MAPK9: variants seen among roughly 807,000 people sequenced by gnomAD.
MAPK9 encodes Jun kinase.
Under a neutral mutation model 57.1 loss-of-function variants are expected in MAPK9, and 30 were observed. The ratio of observed to expected loss-of-function variants is 0.53; its 90% CI spans 0.39 to 0.71. The LOEUF (loss-of-function observed/expected upper bound fraction) is 0.71, where lower values mean the gene tolerates loss of function less well. Among genes scored for constraint, MAPK9 ranks in the 30% least tolerant of loss-of-function variants. The pLI, the probability that MAPK9 is intolerant of heterozygous loss-of-function variation, is 0.00. For missense variants in MAPK9, 362 were observed against 521.0 expected (o/e 0.69, Z 2.97); for synonymous variants, 155 against 177.0 (o/e 0.88, Z 0.99).
chr5:180,250,053 C>T (rs1245827473), intron 5 of MAPK9, among the ~76,000 whole-genome samples: 1 of 152,134 alleles, frequency 6.6e-6, no homozygotes, highest in Non-Finnish European at 1.5e-5. Context: ...AAAGACACGC[C>T]AGCACTGGTG....
intron 2 of MAPK9, 82 bp downstream of exon 2, chr5:180,280,358 T>C (rs2127621734): frequency 2.0e-6 from 3 of 1,533,116 alleles, no homozygotes; most frequent in East Asian, 2.3e-5. Flanking sequence ...TAATCATCAA[T>C]GTTTCTAAAT....
chr5:180,241,604 C>G (rs1445018730), intron 8 of MAPK9, among the ~76,000 whole-genome samples: 2 of 152,232 alleles, frequency 1.3e-5, no homozygotes, highest in East Asian at 1.9e-4. Flanking sequence ...CAGCCATAAC[C>G]CAAACATTTT....
chr5:180,283,272 G>A (rs1031261445), intron 1 of MAPK9, among the ~76,000 whole-genome samples: 1 of 152,232 alleles, frequency 6.6e-6, no homozygotes, highest in African/African-American at 2.4e-5. Context: ...TAGAAGTGAT[G>A]TATGCAACTT....
intron 1 of MAPK9, among the ~76,000 whole-genome samples, chr5:180,280,889 A>G (rs144774767): frequency 3.9e-4 from 59 of 152,284 alleles, no homozygotes; most frequent in African/African-American, 1.4e-3. Context: ...ATGCATTACT[A>G]CTGGCTATGA....
Position 180,280,471 on chromosome 5 carries a change from G to C in MAPK9, c.91C>G (p.Pro31Ala). 6.2e-7 allele frequency: 1 copy of C among 1,614,110 alleles called. No individual in the cohort carries two copies. The highest frequency in any genetic ancestry group is 8.5e-7 in the Non-Finnish European group (1 of 1,180,028). Residue 31 changes from proline (P) to alanine (A), a missense_variant, in exon 2 of 12, where the codon CCA becomes GCA. This residue lies in a region of MAPK9 where 36 missense variants were observed against 38.0 expected (regional missense o/e 0.95). Coordinates refer to ENST00000452135, the MANE Select transcript of MAPK9 (RefSeq NM_002752.5). ...ATCCCTTGGGCCCCAGAGCCAATTG[G>C]TTTCAGCTGCTGGTAACGTTTTAGG... is the stretch of plus-strand genomic sequence containing the variant. ...TVLKRYQQLK[P>A]IGSGAQGIVC...
intron 2 of MAPK9, among the ~76,000 whole-genome samples, chr5:180,279,223 T>G (rs904438587): frequency 2.0e-5 from 3 of 152,192 alleles, no homozygotes; most frequent in Non-Finnish European, 2.9e-5. Context: ...CCCAAAGTGC[T>G]GGGATTACAG....
In MAPK9 at chr5:180,236,294, T is replaced by C; in HGVS notation, c.*90A>G. 7.2e-7 allele frequency: 1 copy of C among 1,387,810 alleles called. No individual in the cohort carries two copies. The highest frequency in any genetic ancestry group is 9.7e-7 in the Non-Finnish European group (1 of 1,030,172). 86.0% of individuals were successfully genotyped at this position (1,387,810 alleles called of 1,614,324 possible). A position where few individuals can be genotyped will look rare whatever the true frequency, so the allele number is the denominator to read the frequency against. ...TTTCTTACATGCAGAACATGGAGTT[T>C]TTCTATTTGGTTCCATCAACTCCCA... On this transcript the variant is annotated 3_prime_UTR_variant, in exon 12 of 12. Transcript: ENST00000452135.
chr5:180,254,395 C>A (rs1422491796), intron 5 of MAPK9, among the ~76,000 whole-genome samples: 1 of 152,094 alleles, frequency 6.6e-6, no homozygotes, highest in African/African-American at 2.4e-5. Flanking sequence ...TGATAAAACC[C>A]TTCAACAAAA....
chr5:180,291,178 A>G (rs1334371218), intron 1 of MAPK9, among the ~76,000 whole-genome samples: 1 of 152,076 alleles, frequency 6.6e-6, no homozygotes, highest in Admixed American at 6.5e-5. Context: ...GGCGGGCGAG[A>G]TGAGTGGGAC....
intron 1 of MAPK9, among the ~76,000 whole-genome samples, chr5:180,281,442 T>C (rs549230604): frequency 8.5e-4 from 129 of 152,334 alleles, no homozygotes; most frequent in Non-Finnish European, 1.5e-3. Context: ...AGCAAACAAA[T>C]TGGCAAGTGG....
At chr5:180,238,472 G>T in intron 10 of MAPK9, 69 bp from the exon 11 acceptor site, 2 of 1,115,502 alleles carry the variant, frequency 1.8e-6, no homozygotes, top group African/African-American at 1.5e-5. Flanking sequence ...TCTAAACTCT[G>T]CTTCCAAATC....
intron 5 of MAPK9, among the ~76,000 whole-genome samples, chr5:180,253,907 T>G (rs890356664): frequency 4.8e-4 from 73 of 151,952 alleles, no homozygotes; most frequent in African/African-American, 1.7e-3. Flanking sequence ...ACACCCATTC[T>G]TTAACAATTT....
At chr5:180,240,139 A>C (rs1642169118) in intron 9 of MAPK9, 152 bp from the exon 10 acceptor site, 5 of 623,344 alleles carry the variant, frequency 8.0e-6, no homozygotes, top group Non-Finnish European at 1.4e-5. Context: ...TTGTCATGTG[A>C]TATTATATCA....
intron 10 of MAPK9, 22 bp from the exon 11 acceptor site, chr5:180,238,425 A>T: frequency 6.6e-7 from 1 of 1,522,522 alleles, no homozygotes; most frequent in Non-Finnish European, 9.1e-7. Context: ...ATACAAGTTA[A>T]AATGCTTAAT....
In MAPK9 at chr5:180,248,028, G is replaced by A. The variant is rs868050619; in HGVS notation, c.617-518C>T. 4.1e-4 allele frequency: 445 copies of A among 1,090,678 alleles called. 1 individual carries two copies. The highest frequency in any genetic ancestry group is 4.0e-3 in the Middle Eastern group (18 of 4,522). The allele number at this position is 1,090,678 out of a possible 1,614,324, so 67.6% of individuals were successfully genotyped here. On this transcript the variant is annotated intron_variant, in intron 6 of 11. Coordinates refer to ENST00000452135, the MANE Select transcript of MAPK9 (RefSeq NM_002752.5). The stretch of plus-strand genomic sequence containing the variant: ...CGGTACACGTCACTAGCTTGCCGGC[G>A]GGAGCCTCTGTGCGTTGTTGATACC...
chr5:180,278,634 G>A (rs1057130978), intron 2 of MAPK9, among the ~76,000 whole-genome samples: 2 of 152,152 alleles, frequency 1.3e-5, no homozygotes, highest in East Asian at 3.9e-4. Flanking sequence ...AGGAGGCGGA[G>A]GCTACAGTGA....
intron 3 of MAPK9, 105 bp downstream of exon 3, chr5:180,269,175 T>C: frequency 1.6e-6 from 2 of 1,233,862 alleles, no homozygotes; most frequent in South Asian, 3.0e-5. Context: ...ATTTTTATCC[T>C]TAGCTTATCC....
rs1297622758 is a variant in MAPK9, at chr5:180,233,289, C to T, written c.*3095G>A. On this transcript the variant is annotated 3_prime_UTR_variant, in exon 12 of 12. Coordinates refer to ENST00000452135, the MANE Select transcript of MAPK9 (RefSeq NM_002752.5). The stretch of plus-strand genomic sequence containing the variant: ...CATGACTAAGGCTGACTGGTGAATT[C>T]TCCTGGCCACGCCTCATGAGAAAAC... 6.6e-6 allele frequency: 1 copy of T among 152,192 alleles called. No individual in the cohort carries two copies. The highest frequency in any genetic ancestry group is 1.9e-4 in the East Asian group (1 of 5,196). 9.4% of individuals were successfully genotyped at this position (152,192 alleles called of 1,614,324 possible).
intron 5 of MAPK9, among the ~76,000 whole-genome samples, chr5:180,260,788 T>C (rs375295831): frequency 6.6e-6 from 1 of 152,192 alleles, no homozygotes; most frequent in East Asian, 1.9e-4. Flanking sequence ...TTGTTAACTG[T>C]TGGGGTTTTC....
Sources: allele counts gnomAD v4.1 joint callset (sites outside exome capture counted in the v4.1 genomes callset), GRCh38; gene constraint gnomAD v4.1.1; regional missense constraint gnomAD v4.1.1; transcripts MANE v1.5; gene names NCBI Gene and HGNC (gene_info 2026-07-23, HGNC 2026-07-21).